The following MBNL1 variants were observed in gnomAD, a reference collection of about 807,000 sequenced individuals.
MBNL1 encodes the protein muscleblind-like protein 1.
In MBNL1, 8 loss-of-function variants were observed where a neutral mutation model predicts 42.2. The observed-to-expected ratio is 0.19, with a 90% CI of 0.11 to 0.34. The LOEUF (loss-of-function observed/expected upper bound fraction) is 0.34, where lower values mean the gene tolerates loss of function less well. Ranked by LOEUF, MBNL1 falls within the 10% of genes least tolerant of loss-of-function variation. MBNL1 has a pLI of 1.00. For synonymous variants in MBNL1, 169 were observed against 173.9 expected, an observed-to-expected ratio of 0.97 and a Z score of 0.22; for missense variants, 309 against 495.3, an observed-to-expected ratio of 0.62 and a Z score of 3.57.
Position 152,286,527 on chromosome 3 carries a change from T to A in MBNL1, c.-789-12878T>A, listed in dbSNP as rs557731541. Among the ~76,000 whole-genome samples the A allele has an allele frequency of 5.5e-5, 8 of 144,174 alleles. No individual in the cohort carries two copies. In the East Asian group the frequency reaches 1.2e-3, roughly 21 times the overall value. The allele number at this position is 144,174 out of a possible 152,430, so 94.6% of individuals were successfully genotyped here. A position where few individuals can be genotyped will look rare whatever the true frequency, so the allele number is the denominator to read the frequency against. ...AAATATTTATATTTTATTTATAATA[T>A]AAATATATTTTATTTATAATATAAA... On this transcript the variant is annotated intron_variant, in intron 1 of 9. Coordinates refer to ENST00000324210, the MANE Select transcript of MBNL1 (RefSeq NM_021038.5).
intron 2 of MBNL1, among the ~76,000 whole-genome samples, chr3:152,371,960 C>G (rs2096682221): frequency 6.6e-6 from 1 of 152,176 alleles, no homozygotes; most frequent in Non-Finnish European, 1.5e-5. Context: ...GTTTGGTCTT[C>G]TCACATAGTC....
At chr3:152,256,398 A>G (rs191754251) in intron 2 of MBNL1, among the ~76,000 whole-genome samples, 1 of 152,278 alleles carries the variant, frequency 6.6e-6, no homozygotes, top group Admixed American at 6.5e-5. Flanking sequence ...GAAGCAGAAA[A>G]GACTACAGAA....
At chr3:152,301,043 C>G (rs2060525019) in intron 2 of MBNL1, 1 of 338,102 alleles carries the variant, frequency 3.0e-6, no homozygotes, top group Non-Finnish European at 4.2e-6. Flanking sequence ...TTCAAAAATT[C>G]TAATGTGAAT....
chr3:152,352,261 A>AT (rs1361617830), intron 2 of MBNL1, among the ~76,000 whole-genome samples: 5 of 152,154 alleles, frequency 3.3e-5, no homozygotes, highest in Admixed American at 3.3e-4. Context: ...TCATGTATTC[A>AT]TTTTTTCATG....
intron 4 of MBNL1, among the ~76,000 whole-genome samples, chr3:152,442,984 AAG>A (rs1311015206): frequency 6.6e-6 from 1 of 152,230 alleles, no homozygotes; most frequent in Non-Finnish European, 1.5e-5. Flanking sequence ...AAAAATATGA[AAG>A]AGTCAAACAT....
intron 2 of MBNL1, among the ~76,000 whole-genome samples, chr3:152,254,466 A>G (rs1256552153): frequency 6.6e-6 from 1 of 151,968 alleles, no homozygotes. Flanking sequence ...GTTTTCCTCA[A>G]CTACATGGAA....
chr3:152,371,746 T>G (rs2096671171), intron 2 of MBNL1, among the ~76,000 whole-genome samples: 1 of 152,208 alleles, frequency 6.6e-6, no homozygotes, highest in South Asian at 2.1e-4. Flanking sequence ...TTTCATTCCT[T>G]TCAACCTTGG....
At chr3:152,286,203 C>T (rs2051615918) in intron 1 of MBNL1, among the ~76,000 whole-genome samples, 1 of 150,134 alleles carries the variant, frequency 6.7e-6, no homozygotes. Context: ...AACGATTTGA[C>T]TAAATCCAAT....
chr3:152,448,118 T>A (rs1714030782), intron 6 of MBNL1, among the ~76,000 whole-genome samples: 1 of 152,204 alleles, frequency 6.6e-6, no homozygotes, highest in Non-Finnish European at 1.5e-5. Flanking sequence ...CCCCTTTGCC[T>A]TCATTATTCC....
chr3:152,261,342 T>C (rs2036239786), intron 2 of MBNL1, among the ~76,000 whole-genome samples: 1 of 152,144 alleles, frequency 6.6e-6, no homozygotes, highest in South Asian at 2.1e-4. Context: ...ATGTGTGACC[T>C]TAGAGTCCTT....
At chr3:152,348,287 G>A (rs1015290769) in intron 2 of MBNL1, among the ~76,000 whole-genome samples, 26 of 152,108 alleles carry the variant, frequency 1.7e-4, no homozygotes, top group African/African-American at 5.8e-4. Context: ...GCTCAAACAG[G>A]TGGATAAGCC....
At chr3:152,295,015 A>C (rs1222941928) in intron 1 of MBNL1, among the ~76,000 whole-genome samples, 2 of 152,208 alleles carry the variant, frequency 1.3e-5, no homozygotes, top group Non-Finnish European at 2.9e-5. Flanking sequence ...GCCCTATATC[A>C]AGGGCAGGCA....
In MBNL1 at chr3:152,390,151, T is replaced by C. The variant is rs565915746; in HGVS notation, c.175-24790T>C. On this transcript the variant is annotated intron_variant, in intron 2 of 9. Transcript: ENST00000324210. ...CCAAAGAACTTTTTTAAATTTATAA[T>C]TAAAAAAAAAAAAACTTACTGACTC... 3.3e-5 allele frequency among the ~76,000 whole-genome samples: 5 copies of C among 150,130 alleles called. No homozygotes were observed. The South Asian group carries it at 1.0e-3, about 31-fold the overall frequency.
rs140717880 is a variant in MBNL1, at chr3:152,367,950, A to G, written c.175-46991A>G. On this transcript the variant is annotated intron_variant, in intron 2 of 9. Coordinates refer to ENST00000324210, the MANE Select transcript of MBNL1 (RefSeq NM_021038.5). The stretch of plus-strand genomic sequence containing the variant: ...CTTTGTCAAATGGATAGATTGCAAA[A>G]ACTTTCTCCCATTCTGTAGGTTGCC... 5.3e-3 allele frequency among the ~76,000 whole-genome samples: 809 copies of G among 151,932 alleles called. 29 individuals are homozygous for G. Among genetic ancestry groups the G allele is most frequent in the Admixed American group, 0.043 (652 of 15,244 alleles).
chr3:152,310,911 T>A lies in MBNL1; in HGVS notation c.174+10544T>A, dbSNP rs906757717. On this transcript the variant is annotated intron_variant, in intron 2 of 9. Coordinates refer to ENST00000324210, the MANE Select transcript of MBNL1 (RefSeq NM_021038.5). ...GGCATCAGATAAGGAAGTGTTTCAT[T>A]TCATAACTTTTTTTTTGCTTGAAAT... Among the ~76,000 whole-genome samples, 3 of 152,080 alleles carry A rather than the reference T, an allele frequency of 2.0e-5. No individual in the cohort carries two copies. The South Asian group carries it at 6.2e-4, about 32-fold the overall frequency.
chr3:152,373,449 G>C (rs990877039), intron 2 of MBNL1, among the ~76,000 whole-genome samples: 2 of 151,878 alleles, frequency 1.3e-5, no homozygotes, highest in Non-Finnish European at 2.9e-5. Context: ...GTCAGCACTC[G>C]AGGGAATCTC....
chr3:152,247,069 T>C (rs754871695), intron 2 of MBNL1, among the ~76,000 whole-genome samples: 1 of 152,170 alleles, frequency 6.6e-6, no homozygotes, highest in Non-Finnish European at 1.5e-5. Flanking sequence ...GATTTAGTTT[T>C]TGTTTAGCTG....
At chr3:152,321,198 A>G (rs893096992) in intron 2 of MBNL1, among the ~76,000 whole-genome samples, 4 of 152,130 alleles carry the variant, frequency 2.6e-5, no homozygotes, top group African/African-American at 9.7e-5. Context: ...AGAAACCTAC[A>G]TTTATCCACT....
intron 2 of MBNL1, among the ~76,000 whole-genome samples, chr3:152,377,745 T>G (rs1048136783): frequency 6.6e-6 from 1 of 152,214 alleles, no homozygotes; most frequent in Non-Finnish European, 1.5e-5. Flanking sequence ...TGACCTAAAT[T>G]TGATCTATGA....
Sources: gnomAD v4.1 joint callset for allele counts (sites outside exome capture counted in the v4.1 genomes callset) on GRCh38, gnomAD v4.1.1 for gene constraint, MANE v1.5 for transcripts, NCBI Gene and HGNC (gene_info 2026-07-23, HGNC 2026-07-21) for gene names.